Variants in USH2A observed in about 807,000 individuals in gnomAD.
USH2A encodes usherin, also known as Usher syndrome 2A (autosomal recessive, mild).
Under a neutral mutation model 538.9 loss-of-function variants are expected in USH2A, and 443 were observed. The observed-to-expected ratio is 0.82, with a 90% confidence interval of 0.76 to 0.89. The LOEUF is 0.89. Ranked by LOEUF, USH2A falls within the 40% of genes least tolerant of loss-of-function variation. The pLI, the probability that USH2A is intolerant of heterozygous loss-of-function variation, is 0.00. For missense variants in USH2A, 6,633 were observed against 6,324.8 expected, an observed-to-expected ratio of 1.05 and a Z score of -1.65; for synonymous variants, 2,413 against 2,273.5, an observed-to-expected ratio of 1.06 and a Z score of -1.75.
At chr1:215,661,990 C>T (rs1318921283) in intron 64 of USH2A, among the ~76,000 whole-genome samples, 2 of 152,156 alleles carry the variant, frequency 1.3e-5, no homozygotes, top group Non-Finnish European at 2.9e-5. Flanking sequence ...TTTGACTTAT[C>T]AACTATAATT....
chr1:215,878,182 A>G (rs540856624), intron 42 of USH2A, among the ~76,000 whole-genome samples: 6 of 152,316 alleles, frequency 3.9e-5, no homozygotes, highest in African/African-American at 1.2e-4. Context: ...AGTTTCGCAC[A>G]AAGTAGAAAT....
chr1:216,227,769 G>A (rs1274338266), intron 14 of USH2A, among the ~76,000 whole-genome samples: 6 of 152,188 alleles, frequency 3.9e-5, no homozygotes, highest in African/African-American at 1.2e-4. Context: ...CAAGAGCATG[G>A]AATTAAAACT....
At chr1:215,960,297 TGC>T (rs1343271735) in intron 37 of USH2A, among the ~76,000 whole-genome samples, 2 of 152,150 alleles carry the variant, frequency 1.3e-5, no homozygotes, top group Middle Eastern at 3.2e-3. Flanking sequence ...TAAGCCAGGT[TGC>T]TACTACTATG....
chr1:215,955,490 A>G (rs1182827455), intron 37 of USH2A, among the ~76,000 whole-genome samples: 1 of 152,212 alleles, frequency 6.6e-6, no homozygotes, highest in Non-Finnish European at 1.5e-5. Flanking sequence ...CTACATGAAC[A>G]AATGAATGAA....
At chr1:216,043,860 AG>A (rs1239102712) in intron 32 of USH2A, among the ~76,000 whole-genome samples, 2 of 152,020 alleles carry the variant, frequency 1.3e-5, no homozygotes, top group African/African-American at 4.8e-5. Context: ...GCTTTCGTTT[AG>A]GCGCATGGAA....
intron 13 of USH2A, among the ~76,000 whole-genome samples, chr1:216,245,945 T>A (rs2036034138): frequency 6.6e-6 from 1 of 152,200 alleles, no homozygotes; most frequent in Admixed American, 6.6e-5. Context: ...TATCATCATA[T>A]CATAATGAAT....
At chr1:215,763,298 T>C (rs1024387780) in intron 56 of USH2A, among the ~76,000 whole-genome samples, 1 of 152,164 alleles carries the variant, frequency 6.6e-6, no homozygotes, top group South Asian at 2.1e-4. Flanking sequence ...GGAGGCACAG[T>C]AGCTGTTAGA....
intron 62 of USH2A, among the ~76,000 whole-genome samples, chr1:215,675,960 T>C (rs548835189): frequency 6.6e-6 from 1 of 152,278 alleles, no homozygotes; most frequent in South Asian, 2.1e-4. Flanking sequence ...GAGAATAGTA[T>C]TAAAGTCTCC....
Position 215,877,004 on chromosome 1 carries a change from T to G in USH2A, c.8681+754A>C, listed in dbSNP as rs187330616. On this transcript the variant is annotated intron_variant, in intron 43 of 71. Coordinates refer to ENST00000307340, the MANE Select transcript of USH2A (RefSeq NM_206933.4). ...TTACTGAAACATATGATCGAGGAGT[T>G]TTCATAAAATAACGTTCATGTTTTC... Among the ~76,000 whole-genome samples the G allele has an allele frequency of 1.9e-3, 288 of 152,294 alleles. 1 individual carries two copies. Among genetic ancestry groups the G allele is most frequent in the Non-Finnish European group, 1.7e-3 (119 of 68,016 alleles).
chr1:216,391,469 T>C (rs77351826), intron 3 of USH2A, among the ~76,000 whole-genome samples: 2,850 of 152,276 alleles, frequency 0.019, 97 homozygotes, highest in African/African-American at 0.063. Flanking sequence ...TTAAAAAAAA[T>C]GAATATAGAT....
chr1:215,817,255 A>G, intron 47 of USH2A, 60 bp from the exon 48 acceptor site: 1 of 1,531,578 alleles, frequency 6.5e-7, no homozygotes, highest in Non-Finnish European at 9.0e-7. Flanking sequence ...TGATGCTATC[A>G]GTCTTAAGTA....
At chr1:216,050,462 G>T (rs2030709830) in intron 30 of USH2A, among the ~76,000 whole-genome samples, 1 of 151,882 alleles carries the variant, frequency 6.6e-6, no homozygotes, top group Non-Finnish European at 1.5e-5. Context: ...ATGGAGTATT[G>T]CCAGTCAAGA....
chr1:216,131,352 G>A (rs2033371889), intron 21 of USH2A, among the ~76,000 whole-genome samples: 1 of 151,914 alleles, frequency 6.6e-6, no homozygotes, highest in Non-Finnish European at 1.5e-5. Context: ...TACTGCATTT[G>A]CTTCTGAGCT....
chr1:215,627,831 CTGTT>C (rs1385854271), intron 71 of USH2A, among the ~76,000 whole-genome samples: 1 of 151,710 alleles, frequency 6.6e-6, no homozygotes, highest in Non-Finnish European at 1.5e-5. Context: ...CCTGGCCTAT[CTGTT>C]TATTTTCTAA....
intron 9 of USH2A, among the ~76,000 whole-genome samples, chr1:216,304,841 G>A (rs1333662115): frequency 6.6e-6 from 1 of 151,236 alleles, no homozygotes; most frequent in Non-Finnish European, 1.5e-5. Flanking sequence ...GTTCCTTTTT[G>A]AGTCGATTTC....
At chr1:216,043,385 A>G (rs1214133191) in intron 32 of USH2A, among the ~76,000 whole-genome samples, 1 of 152,124 alleles carries the variant, frequency 6.6e-6, no homozygotes, top group African/African-American at 2.4e-5. Flanking sequence ...GATGAAAGCA[A>G]CAAGGAACAT....
At chr1:215,647,815 G>A in intron 66 of USH2A, 85 bp from the exon 67 acceptor site, 1 of 1,507,932 alleles carries the variant, frequency 6.6e-7, no homozygotes, top group Non-Finnish European at 9.1e-7. Context: ...TATTTTGTGA[G>A]GAGACATTTT....
rs2102620934 is a variant in USH2A at position 215,625,434 on chromosome 1, TTCTAAC to T, written c.*341_*346del. On this transcript the variant is annotated 3_prime_UTR_variant, in exon 72 of 72. Transcript: ENST00000307340. Reference sequence around the variant, plus strand: ...TTTGAGCCAGTAACTAACTTACTACTTCTAACAACTGTGAGCCATCTTGAAATTGCC... The same window carrying T: ...TTTGAGCCAGTAACTAACTTACTACTAACTGTGAGCCATCTTGAAATTGCC... The T allele has an allele frequency of 2.9e-6, 1 of 341,254 alleles. No individual in the cohort carries two copies. Among genetic ancestry groups the T allele is most frequent in the African/African-American group, 2.1e-5 (1 of 47,296 alleles). The allele number at this position is 341,254 out of a possible 1,614,324, so 21.1% of individuals were successfully genotyped here.
At position 215,876,888 on chromosome 1, in the gene USH2A, G is replaced by A. The variant is rs548063713; in HGVS notation, c.8681+870C>T. 3.3e-5 allele frequency among the ~76,000 whole-genome samples: 5 copies of A among 152,250 alleles called. No individual in the cohort carries two copies. In the East Asian group the frequency reaches 9.7e-4, roughly 29 times the overall value. On this transcript the variant is annotated intron_variant, in intron 43 of 71. Coordinates refer to ENST00000307340, the MANE Select transcript of USH2A (RefSeq NM_206933.4). ...GGAATGCAGAGGCCTTGGTAAGAAAGGGATGGGAGACAAGGCTAGAATGGT... is the reference window on the plus strand; with the variant it reads ...GGAATGCAGAGGCCTTGGTAAGAAAAGGATGGGAGACAAGGCTAGAATGGT...
Sources: allele counts gnomAD v4.1 joint callset (sites outside exome capture counted in the v4.1 genomes callset), GRCh38; gene constraint gnomAD v4.1.1; transcripts MANE v1.5; gene names NCBI Gene and HGNC (gene_info 2026-07-23, HGNC 2026-07-21).